Variants in SOX6 observed in about 807,000 individuals in gnomAD.
SOX6 encodes the protein SRY-box transcription factor 6, also known as transcription factor SOX-6.
Under a neutral mutation model 97.8 loss-of-function variants are expected in SOX6, and 11 were observed. The observed-to-expected ratio is 0.11, with a 90% CI of 0.07 to 0.19. The LOEUF is 0.19. Ranked by LOEUF, SOX6 falls within the 10% of genes least tolerant of loss-of-function variation. The pLI is 1.00. For synonymous variants in SOX6, 360 were observed against 371.4 expected, an observed-to-expected ratio of 0.97 and a Z score of 0.35; for missense variants, 810 against 1,039.5, an observed-to-expected ratio of 0.78 and a Z score of 3.04.
At chr11:16,061,866 A>G (rs1847966268) in intron 9 of SOX6, among the ~76,000 whole-genome samples, 3 of 151,672 alleles carry the variant, frequency 2.0e-5, no homozygotes, top group Non-Finnish European at 3.0e-5. Context: ...CTGAATGCCT[A>G]TCTCTCCCCA....
At chr11:16,602,661 C>A (rs1280853091) in intron 4 of SOX6, among the ~76,000 whole-genome samples, 1 of 152,182 alleles carries the variant, frequency 6.6e-6, no homozygotes, top group African/African-American at 2.4e-5. Flanking sequence ...CAATGAAAAG[C>A]AAATGCAACT....
At chr11:16,198,393 T>C (rs976461494) in intron 4 of SOX6, among the ~76,000 whole-genome samples, 21 of 152,076 alleles carry the variant, frequency 1.4e-4, no homozygotes, top group African/African-American at 5.1e-4. Context: ...GCAATAATTG[T>C]AGATTATAAA....
At chr11:16,564,973 TA>T in intron 4 of SOX6, among the ~76,000 whole-genome samples, 1 of 151,352 alleles carries the variant, frequency 6.6e-6, no homozygotes, top group Non-Finnish European at 1.5e-5. Context: ...CGGAAACCAA[TA>T]AAATTGAAAA....
At position 16,705,165 on chromosome 11, in the gene SOX6, G is replaced by A. The variant is rs190010994; in HGVS notation, n.429+9665C>T. On this transcript the variant is annotated intron_variant and non_coding_transcript_variant, in intron 3 of 5. Coordinates refer to the SOX6 transcript ENST00000524520. ...CCCAGCTACTCGGAAGCCTGAGGCA[G>A]GAGAATCGCTTGAACCCAGGAGGTG... Among the ~76,000 whole-genome samples the A allele has an allele frequency of 2.6e-5, 4 of 152,160 alleles. No homozygotes were observed. The East Asian group carries it at 5.8e-4, about 22-fold the overall frequency.
At chr11:16,099,875 A>G (rs1848898186) in intron 7 of SOX6, among the ~76,000 whole-genome samples, 2 of 151,926 alleles carry the variant, frequency 1.3e-5, no homozygotes, top group East Asian at 1.9e-4. Context: ...TTGAATCTGT[A>G]TACCTGAATA....
chr11:16,676,855 T>C (rs902439626), intron 3 of SOX6, among the ~76,000 whole-genome samples: 1 of 151,932 alleles, frequency 6.6e-6, no homozygotes. Flanking sequence ...TAAAAGTCAT[T>C]CCGAGAAGAA....
chr11:16,187,542 AT>A (rs35442853), intron 4 of SOX6, among the ~76,000 whole-genome samples: 50 of 148,094 alleles, frequency 3.4e-4, no homozygotes, highest in South Asian at 6.4e-4. Context: ...ATTGAATGTG[AT>A]TTTTTTTTTT....
chr11:16,043,770 G>A (rs554891597), intron 12 of SOX6, among the ~76,000 whole-genome samples: 17 of 152,260 alleles, frequency 1.1e-4, no homozygotes, highest in African/African-American at 4.1e-4. Flanking sequence ...TATTCCCTCA[G>A]CTGCTGGAAA....
intron 2 of SOX6, among the ~76,000 whole-genome samples, chr11:16,718,290 C>A (rs1848233351): frequency 6.6e-6 from 1 of 151,666 alleles, no homozygotes; most frequent in African/African-American, 2.4e-5. Flanking sequence ...GATACACATA[C>A]AAGCAGACTT....
intron 4 of SOX6, among the ~76,000 whole-genome samples, chr11:16,572,428 A>G (rs1172756989): frequency 6.6e-6 from 1 of 152,198 alleles, no homozygotes; most frequent in East Asian, 1.9e-4. Context: ...TGCTTAATTT[A>G]TTTTTTAAAC....
chr11:16,460,061 C>A (rs1590212032), intron 1 of SOX6, among the ~76,000 whole-genome samples: 1 of 151,800 alleles, frequency 6.6e-6, no homozygotes, highest in Non-Finnish European at 1.5e-5. Flanking sequence ...GGGAAAAAAG[C>A]AGCCAGAGGA....
chr11:16,727,056 T>C (rs1001245108), intron 2 of SOX6, among the ~76,000 whole-genome samples: 1 of 152,170 alleles, frequency 6.6e-6, no homozygotes, highest in African/African-American at 2.4e-5. Flanking sequence ...TTAGTTAATA[T>C]ATTCAGATAA....
At position 16,186,824 on chromosome 11, in the gene SOX6, G is replaced by T; in HGVS notation, c.667C>A (p.Gln223Lys). 6.2e-7 allele frequency: 1 copy of T among 1,613,704 alleles called. No homozygotes were observed. The highest frequency in any genetic ancestry group is 1.7e-4 in the Middle Eastern group (1 of 5,932). ...KKLAASQIEK[Q>K]RQQMDLARQQ... ...CGAGCAAGGTCCATTTGCTGCCGTT[G>T]TTTCTCAATTTGTGACGCTGCCAGT... Residue 223 changes from glutamine to lysine, a missense_variant, in exon 5 of 16, where the codon CAA (glutamine) becomes AAA (lysine). Transcript: ENST00000683767.
At chr11:16,259,962 T>TGTGTGTGC (rs1853828522) in intron 3 of SOX6, among the ~76,000 whole-genome samples, 1 of 152,020 alleles carries the variant, frequency 6.6e-6, no homozygotes, top group African/African-American at 2.4e-5. Context: ...TGTGTGTGTG[T>TGTGTGTGC]GTGTGTGTGT....
chr11:16,464,457 A>C (rs1859990242), intron 1 of SOX6, among the ~76,000 whole-genome samples: 1 of 152,086 alleles, frequency 6.6e-6, no homozygotes, highest in Non-Finnish European at 1.5e-5. Context: ...TCTAAATGAA[A>C]AAAAAAAGGA....
intron 4 of SOX6, among the ~76,000 whole-genome samples, chr11:16,551,031 A>C (rs1213248039): frequency 6.6e-6 from 1 of 152,094 alleles, no homozygotes; most frequent in African/African-American, 2.4e-5. Flanking sequence ...CAGCCTAGGC[A>C]ACATAGTAAG....
intron 6 of SOX6, among the ~76,000 whole-genome samples, chr11:16,128,218 T>A (rs1490597531): frequency 2.0e-5 from 3 of 152,152 alleles, no homozygotes; most frequent in African/African-American, 7.2e-5. Context: ...CCATTAAAAA[T>A]TAGAACTAGG....
chr11:16,240,316 G>GTGTGTGTGTGTGTGT (rs1853150555), intron 3 of SOX6, among the ~76,000 whole-genome samples: 1 of 147,186 alleles, frequency 6.8e-6, no homozygotes, highest in Non-Finnish European at 1.5e-5. Context: ...GTGTGTGTGT[G>GTGTGTGTGTGTGTGT]GCAGTGGAAG....
intron 1 of SOX6, among the ~76,000 whole-genome samples, chr11:16,432,351 A>G (rs1334175304): frequency 1.3e-5 from 2 of 152,158 alleles, no homozygotes; most frequent in Non-Finnish European, 2.9e-5. Flanking sequence ...AATTACAGTC[A>G]AAAGTGTAAC....
Sources: allele counts gnomAD v4.1 joint callset (sites outside exome capture counted in the v4.1 genomes callset), GRCh38; gene constraint gnomAD v4.1.1; transcripts MANE v1.5; gene names NCBI Gene and HGNC (gene_info 2026-07-23, HGNC 2026-07-21).